Variants in FZR1 observed in about 807,000 individuals in gnomAD.
The protein encoded by FZR1 is fizzy-related protein homolog.
A neutral mutation model predicts 63.6 loss-of-function variants in FZR1; 11 were observed. That is an observed-to-expected ratio of 0.17 (90% CI 0.11 to 0.29). FZR1 has a LOEUF of 0.29. Among genes scored for constraint, FZR1 ranks in the 10% least tolerant of loss-of-function variants. FZR1 has a pLI of 1.00. For synonymous variants in FZR1, 328 were observed against 297.9 expected, an observed-to-expected ratio of 1.10 and a Z score of -1.04; for missense variants, 440 against 687.5, an observed-to-expected ratio of 0.64 and a Z score of 4.03.
chr19:3,527,679 G>C lies in FZR1; in HGVS notation c.519G>C (p.Lys173Asn). Residue 173 changes from lysine to asparagine, a missense_variant, in exon 7 of 14, where the codon AAG becomes AAC. Physicochemically the swap from Lys to Asn is moderately conservative, Grantham distance 94. Transcript: ENST00000441788. ...GGAAACCCACCCGCAAGATCTCCAAGATCCCCTTCAAGGTGCTGGACGCGC... is the reference window on the plus strand; with the variant it reads ...GGAAACCCACCCGCAAGATCTCCAACATCCCCTTCAAGGTGCTGGACGCGC... The part of the protein sequence containing the change: ...SPRKPTRKIS[K>N]IPFKVLDAPE... 1 of 1,612,046 alleles carries C rather than the reference G, an allele frequency of 6.2e-7. No homozygotes were observed. Among genetic ancestry groups the C allele is most frequent in the Non-Finnish European group, 8.5e-7 (1 of 1,179,858 alleles).
At position 3,523,065 on chromosome 19, in the gene FZR1, G is replaced by A. The variant is rs374791005; in HGVS notation, c.69+7G>A. On this transcript the variant is annotated splice_region_variant and intron_variant, in intron 2 of 13. Transcript: ENST00000441788. ...TGAGAACACGATGCCACGCGTGAGTGCCCCCGCCCTGCCCACCACTGTGGC... is the reference window on the plus strand; with the variant it reads ...TGAGAACACGATGCCACGCGTGAGTACCCCCGCCCTGCCCACCACTGTGGC... The A allele has an allele frequency of 1.3e-6, 2 of 1,578,556 alleles. No individual in the cohort carries two copies. Among genetic ancestry groups the A allele is most frequent in the Non-Finnish European group, 1.7e-6 (2 of 1,148,852 alleles).
At chr19:3,518,568 G>A (rs932956478) in intron 1 of FZR1, among the ~76,000 whole-genome samples, 3 of 152,150 alleles carry the variant, frequency 2.0e-5, no homozygotes, top group South Asian at 4.1e-4. Context: ...TTGTGCCCGC[G>A]CTCCTGTGCC....
chr19:3,538,213 C>G lies in FZR1; in HGVS notation c.*3377C>G, dbSNP rs763850854. ...TGCAGGCTCCGCCCCCACCCAAGGC[C>G]GGGCCCAGCCAGAGGAGGGGCAGGG... On this transcript the variant is annotated 3_prime_UTR_variant, in exon 14 of 14. Transcript: ENST00000441788. 1 of 160,848 alleles carries G rather than the reference C, an allele frequency of 6.2e-6. No homozygotes were observed. The highest frequency in any genetic ancestry group is 6.1e-5 in the Admixed American group (1 of 16,420). 10.0% of individuals were successfully genotyped at this position (160,848 alleles called of 1,614,324 possible). A position where few individuals can be genotyped will look rare whatever the true frequency, so the allele number is the denominator to read the frequency against.
intron 1 of FZR1, among the ~76,000 whole-genome samples, chr19:3,512,020 C>T (rs1888038407): frequency 6.6e-6 from 1 of 152,200 alleles, no homozygotes; most frequent in South Asian, 2.1e-4. Flanking sequence ...TCCACCCCTG[C>T]AACCACGGCC....
At chr19:3,507,292 C>A (rs879597520) in intron 1 of FZR1, among the ~76,000 whole-genome samples, 2 of 151,852 alleles carry the variant, frequency 1.3e-5, no homozygotes, top group South Asian at 4.2e-4. Context: ...CTTCTCCAAA[C>A]GCAAGCCTGG....
chr19:3,510,881 C>G (rs2083019696), intron 1 of FZR1, among the ~76,000 whole-genome samples: 1 of 152,234 alleles, frequency 6.6e-6, no homozygotes, highest in Non-Finnish European at 1.5e-5. Flanking sequence ...CCCCGCAGAG[C>G]CCAGGACTCC....
chr19:3,516,140 C>T lies in FZR1; in HGVS notation c.-34-6816C>T, dbSNP rs901997483. ...TTGCCAAATTGCCTTCCTTTGAAGCCGTAGCAGTTTGCAGCTTCTGCCAAC... is the reference window on the plus strand; with the variant it reads ...TTGCCAAATTGCCTTCCTTTGAAGCTGTAGCAGTTTGCAGCTTCTGCCAAC... On this transcript the variant is annotated intron_variant, in intron 1 of 13. Coordinates refer to ENST00000441788, the MANE Select transcript of FZR1 (RefSeq NM_016263.4). The surrounding 1 kb of genome is among the most constrained non-coding windows in gnomAD (Gnocchi z 6.0). Among the ~76,000 whole-genome samples the T allele has an allele frequency of 9.2e-5, 14 of 152,184 alleles. No individual in the cohort carries two copies. Among genetic ancestry groups the T allele is most frequent in the African/African-American group, 2.2e-4 (9 of 41,448 alleles).
Position 3,534,962 on chromosome 19 carries a change from T to C in FZR1, c.*126T>C, listed in dbSNP as rs2083282369. On this transcript the variant is annotated 3_prime_UTR_variant, in exon 14 of 14. Transcript: ENST00000441788. ...GAAGGCGGCTGGGCGGGCGGGGAGC[T>C]GGGCCTGGAGGATCCTGGAGTCTCA... The C allele has an allele frequency of 1.3e-6, 1 of 767,910 alleles. No homozygotes were observed. The highest frequency in any genetic ancestry group is 2.3e-6 in the Non-Finnish European group (1 of 441,554). 47.6% of individuals were successfully genotyped at this position (767,910 alleles called of 1,614,324 possible). A position where few individuals can be genotyped will look rare whatever the true frequency, so the allele number is the denominator to read the frequency against.
At position 3,535,913 on chromosome 19, in the gene FZR1, TCTGTCTCATGCTCC is replaced by T. The variant is rs1423940790; in HGVS notation, c.*1079_*1092del. Reference sequence around the variant, plus strand: ...GAAGCTTCCCAGGCTCCTCTGCTTCTCTGTCTCATGCTCCCAGGCTGCACAGCAGGCAGGGAGGG... The same window carrying T: ...GAAGCTTCCCAGGCTCCTCTGCTTCTCAGGCTGCACAGCAGGCAGGGAGGG... On this transcript the variant is annotated 3_prime_UTR_variant, in exon 14 of 14. Transcript: ENST00000441788. The T allele has an allele frequency of 6.6e-6, 1 of 152,374 alleles. No homozygotes were observed. Among genetic ancestry groups the T allele is most frequent in the Non-Finnish European group, 1.5e-5 (1 of 68,156 alleles). 9.4% of individuals were successfully genotyped at this position (152,374 alleles called of 1,614,324 possible).
rs141172785 is a variant in FZR1, at chr19:3,532,602, G to A, written c.1194G>A (p.Thr398=). 1.1e-5 allele frequency: 18 copies of A among 1,612,528 alleles called. No individual in the cohort carries two copies. The highest frequency in any genetic ancestry group is 1.6e-4 in the Middle Eastern group (1 of 6,072). The change falls in exon 11 of 14, where the codon ACG becomes ACA. Residue 398 remains threonine (T), a synonymous_variant. Transcript: ENST00000441788. ...LTGQPLQCID[T]GSQVCNLAWS... ...GACAACCACTGCAGTGTATCGACAC[G>A]GGCTCCCAAGTGTGCAATCTGGCCT...
At position 3,516,763 on chromosome 19, in the gene FZR1, G is replaced by A. The variant is rs1018196234; in HGVS notation, c.-34-6193G>A. 6.6e-6 allele frequency among the ~76,000 whole-genome samples: 1 copy of A among 152,240 alleles called. No individual in the cohort carries two copies. The highest frequency in any genetic ancestry group is 6.5e-5 in the Admixed American group (1 of 15,290). ...CTGTGGTTTTGCCCACCAGCCTTGG[G>A]CAGCGTTGAGTGAGTTGTGTGGCCA... On this transcript the variant is annotated intron_variant, in intron 1 of 13. Transcript: ENST00000441788. The surrounding 1 kb of genome is among the most constrained non-coding windows in gnomAD (Gnocchi z 6.0).
At chr19:3,527,543 G>A (rs2083172836) in intron 6 of FZR1, 88 bp from the exon 7 acceptor site, 1 of 1,054,790 alleles carries the variant, frequency 9.5e-7, no homozygotes, top group Admixed American at 2.2e-5. Flanking sequence ...GGCTCCTGGG[G>A]CTGGCAGGGA....
At chr19:3,521,854 C>CT (rs752626707) in intron 1 of FZR1, among the ~76,000 whole-genome samples, 10,965 of 139,546 alleles carry the variant, frequency 0.079, 1,416 homozygotes, top group African/African-American at 0.27. Context: ...AATTTTTTCA[C>CT]TTTTTTTTTT....
chr19:3,517,409 G>A (rs1196175920), intron 1 of FZR1, among the ~76,000 whole-genome samples: 1 of 151,950 alleles, frequency 6.6e-6, no homozygotes, highest in African/African-American at 2.4e-5. Context: ...AATCCTGGCT[G>A]GGCGCTGTGG....
At chr19:3,508,629 AG>A (rs1320701648) in intron 1 of FZR1, among the ~76,000 whole-genome samples, 1 of 152,090 alleles carries the variant, frequency 6.6e-6, no homozygotes, top group East Asian at 1.9e-4. Flanking sequence ...TGTCATTTAG[AG>A]GGGAGAGGAT....
intron 12 of FZR1, among the ~76,000 whole-genome samples, chr19:3,534,081 G>T (rs2083273497): frequency 6.6e-6 from 1 of 152,028 alleles, no homozygotes; most frequent in Non-Finnish European, 1.5e-5. Flanking sequence ...TAAATGAGGT[G>T]TGGTGGTGTG....
chr19:3,522,335 C>T (rs1363011652), intron 1 of FZR1, among the ~76,000 whole-genome samples: 1 of 152,220 alleles, frequency 6.6e-6, no homozygotes, highest in Non-Finnish European at 1.5e-5. Context: ...ATAAATGCCA[C>T]CCCCTTGGAG....
intron 1 of FZR1, among the ~76,000 whole-genome samples, chr19:3,520,841 G>A (rs1175964249): frequency 3.3e-5 from 5 of 152,242 alleles, no homozygotes; most frequent in South Asian, 2.1e-4. Context: ...CACCAAACCC[G>A]CATGGGTCTG....
Position 3,534,932 on chromosome 19 carries a change from C to T in FZR1, c.*96C>T, listed in dbSNP as rs958217742. ...ACTCTGCCTTCCCAGCGCTTGTCCC[C>T]CGAGGAAGGCGGCTGGGCGGGCGGG... On this transcript the variant is annotated 3_prime_UTR_variant, in exon 14 of 14. Coordinates refer to ENST00000441788, the MANE Select transcript of FZR1 (RefSeq NM_016263.4). The T allele has an allele frequency of 1.2e-5, 12 of 1,022,508 alleles. No individual in the cohort carries two copies. Among genetic ancestry groups the T allele is most frequent in the Non-Finnish European group, 1.7e-5 (11 of 654,566 alleles). The allele number at this position is 1,022,508 out of a possible 1,614,324, so 63.3% of individuals were successfully genotyped here.
Sources: gnomAD v4.1 joint callset for allele counts (sites outside exome capture counted in the v4.1 genomes callset) on GRCh38, gnomAD v4.1.1 for gene constraint, Gnocchi (gnomAD v3.1) non-coding constraint, MANE v1.5 for transcripts, NCBI Gene and HGNC (gene_info 2026-07-23, HGNC 2026-07-21) for gene names.